Variants in METTL24 observed in about 807,000 individuals in gnomAD.
The protein encoded by METTL24 is methyltransferase like 24.
In METTL24, 29 loss-of-function variants were observed where a neutral mutation model predicts 32.7. The observed-to-expected ratio is 0.89, with a 90% confidence interval of 0.66 to 1.21. The LOEUF is 1.21. Among genes scored for constraint, METTL24 ranks in the 50% most tolerant of loss-of-function variants. METTL24 has a pLI of 0.00. For synonymous variants in METTL24, 163 were observed against 179.5 expected, an observed-to-expected ratio of 0.91 and a Z score of 0.73; for missense variants, 439 against 468.1, an observed-to-expected ratio of 0.94 and a Z score of 0.57.
At chr6:110,294,737 CA>C (rs1562228185) in intron 4 of METTL24, among the ~76,000 whole-genome samples, 2 of 151,982 alleles carry the variant, frequency 1.3e-5, no homozygotes, top group East Asian at 3.9e-4. Flanking sequence ...AAATACTTAT[CA>C]AAGGAGAGCT....
chr6:110,260,143 G>T (rs574533446), intron 4 of METTL24, among the ~76,000 whole-genome samples: 1 of 152,276 alleles, frequency 6.6e-6, no homozygotes, highest in East Asian at 1.9e-4. Context: ...GAGAGAAGAA[G>T]GCTTCAGACA....
intron 4 of METTL24, among the ~76,000 whole-genome samples, chr6:110,275,594 GT>G (rs2114712551): frequency 6.6e-6 from 1 of 152,206 alleles, no homozygotes; most frequent in South Asian, 2.1e-4. Context: ...TCAAACAAAT[GT>G]TTGTCTCCTC....
At chr6:110,296,058 G>A (rs541697301) in intron 4 of METTL24, among the ~76,000 whole-genome samples, 96 of 152,012 alleles carry the variant, frequency 6.3e-4, no homozygotes, top group Non-Finnish European at 1.1e-3. Context: ...CTCGCCCAAC[G>A]CCAAAAGCCA....
intron 4 of METTL24, among the ~76,000 whole-genome samples, chr6:110,253,382 T>C (rs570426672): frequency 6.6e-6 from 1 of 152,282 alleles, no homozygotes; most frequent in South Asian, 2.1e-4. Flanking sequence ...GGATCAATTG[T>C]TGGGTTAAAA....
At chr6:110,286,376 A>G (rs1383917628) in intron 4 of METTL24, among the ~76,000 whole-genome samples, 1 of 152,162 alleles carries the variant, frequency 6.6e-6, no homozygotes, top group Non-Finnish European at 1.5e-5. Flanking sequence ...CCTGGGCTCT[A>G]TCTCAGAACA....
At chr6:110,282,700 G>A (rs1771159455) in intron 4 of METTL24, among the ~76,000 whole-genome samples, 4 of 150,992 alleles carry the variant, frequency 2.6e-5, no homozygotes, top group South Asian at 4.2e-4. Flanking sequence ...CAAGACCAGA[G>A]TAATTATAAG....
chr6:110,260,895 A>C lies in METTL24; in HGVS notation c.787-14635T>G, dbSNP rs548333673. Among the ~76,000 whole-genome samples the C allele has an allele frequency of 9.9e-5, 15 of 152,250 alleles. No individual in the cohort carries two copies. In the South Asian group the frequency reaches 2.7e-3, roughly 27 times the overall value. ...TTCATAAGTGAAGGAGAAATAAAATACTTTACAGACAAGCAAATGCTGAGA... is the reference window on the plus strand; with the variant it reads ...TTCATAAGTGAAGGAGAAATAAAATCCTTTACAGACAAGCAAATGCTGAGA... On this transcript the variant is annotated intron_variant, in intron 4 of 4. Transcript: ENST00000338882.
At chr6:110,329,196 AG>A (rs1462605511) in intron 1 of METTL24, among the ~76,000 whole-genome samples, 1 of 152,146 alleles carries the variant, frequency 6.6e-6, no homozygotes, top group Non-Finnish European at 1.5e-5. Context: ...GAGCTCCTGA[AG>A]GGTTTTAAAA....
At chr6:110,296,025 T>C (rs1172028370) in intron 4 of METTL24, among the ~76,000 whole-genome samples, 1 of 151,648 alleles carries the variant, frequency 6.6e-6, no homozygotes, top group Non-Finnish European at 1.5e-5. Context: ...ACAATCAAAT[T>C]GAGTGCCAGA....
chr6:110,356,114 C>T (rs927732860), intron 1 of METTL24, among the ~76,000 whole-genome samples: 1 of 152,104 alleles, frequency 6.6e-6, no homozygotes, highest in African/African-American at 2.4e-5. Context: ...TTGAGGACAT[C>T]CAGAGGGGAA....
chr6:110,300,260 G>A (rs567460859), intron 3 of METTL24, among the ~76,000 whole-genome samples: 1 of 152,208 alleles, frequency 6.6e-6, no homozygotes, highest in East Asian at 1.9e-4. Context: ...GGTATCCGTT[G>A]GTGGGGAGAG....
chr6:110,354,027 G>A (rs1471794099), intron 1 of METTL24, among the ~76,000 whole-genome samples: 6 of 152,278 alleles, frequency 3.9e-5, no homozygotes, highest in African/African-American at 1.2e-4. Context: ...TGCATAGTAT[G>A]CGAAATTTGG....
At chr6:110,250,862 G>A (rs1207662986) in intron 4 of METTL24, among the ~76,000 whole-genome samples, 1 of 152,136 alleles carries the variant, frequency 6.6e-6, no homozygotes, top group Non-Finnish European at 1.5e-5. Context: ...GGCCCAGTAG[G>A]GGCACTTTGT....
rs757380393 is a variant in METTL24, at chr6:110,281,676, TAAC to T, written c.786+17243_786+17245del. Among the ~76,000 whole-genome samples, 434 of 142,588 alleles carry T rather than the reference TAAC, an allele frequency of 3.0e-3. 1 individual carries two copies. The highest frequency in any genetic ancestry group is 5.2e-3 in the Non-Finnish European group (338 of 65,358). 93.5% of individuals were successfully genotyped at this position (142,588 alleles called of 152,430 possible). A position where few individuals can be genotyped will look rare whatever the true frequency, so the allele number is the denominator to read the frequency against. ...AAAAAAAAAAAAGGAGCGGGGGGAG[TAAC>T]AACAACAAAGACAGAGGTGTGCAGC... On this transcript the variant is annotated intron_variant, in intron 4 of 4. Coordinates refer to ENST00000338882, the MANE Select transcript of METTL24 (RefSeq NM_001123364.3).
At chr6:110,252,991 T>C (rs113488546) in intron 4 of METTL24, among the ~76,000 whole-genome samples, 3,386 of 152,274 alleles carry the variant, frequency 0.022, 134 homozygotes, top group African/African-American at 0.077. Flanking sequence ...TCCTCCAGAA[T>C]TGTGATGAGC....
intron 3 of METTL24, among the ~76,000 whole-genome samples, chr6:110,306,975 T>A (rs777398017): frequency 2.6e-5 from 4 of 152,226 alleles, no homozygotes; most frequent in Non-Finnish European, 4.4e-5. Context: ...AAAAGGGCTA[T>A]GTCAATCTTG....
chr6:110,251,630 G>A (rs1002231931), intron 4 of METTL24, among the ~76,000 whole-genome samples: 5 of 152,202 alleles, frequency 3.3e-5, no homozygotes, highest in African/African-American at 1.2e-4. Context: ...CAGTTCTGAA[G>A]GCTGGGAAGT....
chr6:110,283,201 C>A (rs1167595736), intron 4 of METTL24, among the ~76,000 whole-genome samples: 1 of 152,098 alleles, frequency 6.6e-6, no homozygotes, highest in East Asian at 1.9e-4. Flanking sequence ...CTCTTCCTAA[C>A]AAGACTACAC....
In METTL24 at chr6:110,298,926, T is replaced by C; in HGVS notation, c.782A>G (p.His261Arg). 6.2e-7 allele frequency: 1 copy of C among 1,613,902 alleles called. No individual in the cohort carries two copies. The highest frequency in any genetic ancestry group is 8.5e-7 in the Non-Finnish European group (1 of 1,179,796). The change falls in exon 4 of 5, where the codon CAC becomes CGC. Residue 261 changes from histidine to arginine, a missense_variant. By Grantham distance (29) the His-to-Arg change is conservative. Coordinates refer to ENST00000338882, the MANE Select transcript of METTL24 (RefSeq NM_001123364.3). ...AAATCAAATGAAAAACCTCACCTTG[T>C]GATGTCCAAATTCATTCAAAATGCT... Reference protein sequence around the residue: ...LGSILNEFGHHKIDVLKADLE... With the variant: ...LGSILNEFGHRKIDVLKADLE...
Sources: gnomAD v4.1 joint callset for allele counts (sites outside exome capture counted in the v4.1 genomes callset) on GRCh38, gnomAD v4.1.1 for gene constraint, MANE v1.5 for transcripts, NCBI Gene and HGNC (gene_info 2026-07-23, HGNC 2026-07-21) for gene names.